Variants in TMEM201 observed in about 807,000 individuals in gnomAD.
TMEM201 encodes the protein transmembrane protein 201.
In TMEM201, 26 loss-of-function variants were observed where a neutral mutation model predicts 63.4. That is an observed-to-expected ratio of 0.41 (90% CI 0.30 to 0.57). The LOEUF is 0.57. Among genes scored for constraint, TMEM201 ranks in the 20% least tolerant of loss-of-function variants. The probability of loss-of-function intolerance (pLI) is 0.29; values close to 1 mark genes in which losing one functional copy is unlikely to be tolerated. For synonymous variants in TMEM201, 417 were observed against 421.6 expected (o/e 0.99, Z 0.14); for missense variants, 794 against 917.7 (o/e 0.87, Z 1.74).
In TMEM201 at chr1:9,607,546, G is replaced by T. The variant is rs1174940721; in HGVS notation, c.1161-11G>T. The T allele has an allele frequency of 3.2e-6, 5 of 1,541,688 alleles. No homozygotes were observed. The highest frequency in any genetic ancestry group is 4.4e-6 in the Non-Finnish European group (5 of 1,141,276). ...CCCTCTTCTTGTCCCGTGCCTGACG[G>T]GCCCTTGCAGGTTCTTCCCAGGAGA... On this transcript the variant is annotated splice_polypyrimidine_tract_variant and intron_variant, in intron 6 of 10. Coordinates refer to ENST00000340381, the MANE Select transcript of TMEM201 (RefSeq NM_001130924.3). The surrounding 1 kb of genome is among the most constrained non-coding windows in gnomAD (Gnocchi z 5.4).
At chr1:9,600,661 G>A (rs1450637658) in intron 4 of TMEM201, among the ~76,000 whole-genome samples, 2 of 152,160 alleles carry the variant, frequency 1.3e-5, no homozygotes, top group Non-Finnish European at 2.9e-5. Flanking sequence ...GCTCACACCT[G>A]TAATCCCAGC....
rs997012806 is a variant in TMEM201, at chr1:9,614,377, G to A, written c.*1294G>A. On this transcript the variant is annotated 3_prime_UTR_variant, in exon 11 of 11. Coordinates refer to ENST00000340381, the MANE Select transcript of TMEM201 (RefSeq NM_001130924.3). Reference sequence around the variant, plus strand: ...GAGGATTCTTTTTTTTAAGCTTTGGGTGCTTTTTTAATACTTTTTTTTTTA... The same window carrying A: ...GAGGATTCTTTTTTTTAAGCTTTGGATGCTTTTTTAATACTTTTTTTTTTA... 2 of 152,006 alleles carry A rather than the reference G, an allele frequency of 1.3e-5. No homozygotes were observed. Among genetic ancestry groups the A allele is most frequent in the African/African-American group, 4.8e-5 (2 of 41,364 alleles). 9.4% of individuals were successfully genotyped at this position (152,006 alleles called of 1,614,324 possible). A position where few individuals can be genotyped will look rare whatever the true frequency, so the allele number is the denominator to read the frequency against.
At position 9,599,525 on chromosome 1, in the gene TMEM201, G is replaced by T. The variant is rs141186958; in HGVS notation, c.606+900G>T. ...CCGCCTTGGCCTCCCAAAGTGCTGGGATTACAGGCCTGAGCCACCGCACCC... is the reference window on the plus strand; with the variant it reads ...CCGCCTTGGCCTCCCAAAGTGCTGGTATTACAGGCCTGAGCCACCGCACCC... On this transcript the variant is annotated intron_variant, in intron 4 of 10. Transcript: ENST00000340381. 1.2e-3 allele frequency among the ~76,000 whole-genome samples: 186 copies of T among 151,534 alleles called. 1 individual carries two copies. The highest frequency in any genetic ancestry group is 4.3e-3 in the African/African-American group (177 of 41,268).
intron 1 of TMEM201, among the ~76,000 whole-genome samples, chr1:9,594,615 G>A (rs572381086): frequency 6.6e-6 from 1 of 152,362 alleles, no homozygotes; most frequent in African/African-American, 2.4e-5. Flanking sequence ...AGAAGGGGGT[G>A]GAGGGGAGGG....
chr1:9,600,228 A>G (rs1025771562), intron 4 of TMEM201, among the ~76,000 whole-genome samples: 6 of 152,170 alleles, frequency 3.9e-5, no homozygotes, highest in Admixed American at 6.5e-5. Flanking sequence ...TTTTTAAACA[A>G]CCAGAATATT....
In TMEM201 at chr1:9,603,939, C is replaced by T. The variant is rs1054592375; in HGVS notation, c.1160+1667C>T. 1.0e-6 allele frequency: 1 copy of T among 985,490 alleles called. No individual in the cohort carries two copies. Among genetic ancestry groups the T allele is most frequent in the Non-Finnish European group, 1.2e-6 (1 of 829,966 alleles). 61.0% of individuals were successfully genotyped at this position (985,490 alleles called of 1,614,324 possible). A position where few individuals can be genotyped will look rare whatever the true frequency, so the allele number is the denominator to read the frequency against. On this transcript the variant is annotated intron_variant, in intron 6 of 10. Transcript: ENST00000340381. This position sits in a 1 kb window ranked among gnomAD's most constrained non-coding sequence, Gnocchi z 4.5. ...CTGAAAAGATGTGGTCGGGGCCACG[C>T]TTCCCACTGGTTCTGCAGTGAGGAG...
Position 9,604,528 on chromosome 1 carries a change from T to C in TMEM201, c.1160+2256T>C. On this transcript the variant is annotated intron_variant, in intron 6 of 10. Coordinates refer to ENST00000340381, the MANE Select transcript of TMEM201 (RefSeq NM_001130924.3). The surrounding 1 kb of genome is among the most constrained non-coding windows in gnomAD (Gnocchi z 4.1). ...TTGTGGCTTGTTGACCGGGAATGTG[T>C]CACCCCTGCCAGGGAACTCTTCTCC... 1.0e-6 allele frequency: 1 copy of C among 985,450 alleles called. No individual in the cohort carries two copies. The highest frequency in any genetic ancestry group is 1.2e-6 in the Non-Finnish European group (1 of 829,944). The allele number at this position is 985,450 out of a possible 1,614,324, so 61.0% of individuals were successfully genotyped here. A position where few individuals can be genotyped will look rare whatever the true frequency, so the allele number is the denominator to read the frequency against.
In TMEM201 at chr1:9,613,286, C is replaced by T; in HGVS notation, c.*203C>T. 1.7e-6 allele frequency: 1 copy of T among 592,988 alleles called. No homozygotes were observed. Among genetic ancestry groups the T allele is most frequent in the Non-Finnish European group, 3.0e-6 (1 of 332,508 alleles). 36.7% of individuals were successfully genotyped at this position (592,988 alleles called of 1,614,324 possible). Reference sequence around the variant, plus strand: ...CTGAGCATGTGTCTGAGGTCACACTCTCTGCCCACTCACCTCCTTGGCTGA... The same window carrying T: ...CTGAGCATGTGTCTGAGGTCACACTTTCTGCCCACTCACCTCCTTGGCTGA... On this transcript the variant is annotated 3_prime_UTR_variant, in exon 11 of 11. Coordinates refer to ENST00000340381, the MANE Select transcript of TMEM201 (RefSeq NM_001130924.3).
Position 9,610,726 on chromosome 1 carries a change from TCA to T in TMEM201, c.1689_1690del (p.His563GlnfsTer143). 1 of 1,550,378 alleles carries T rather than the reference TCA, an allele frequency of 6.5e-7. No homozygotes were observed. The highest frequency in any genetic ancestry group is 1.2e-5 in the South Asian group (1 of 84,062). ...TPSSSDEHSP[H>X]NGSLFTMEPP... is the part of the protein sequence containing the mutation. Reference sequence around the variant, plus strand: ...CCAGCAGCTCCGATGAGCACTCGCCTCACAACGGCAGCCTCTTCACCATGGAG... The same window carrying T: ...CCAGCAGCTCCGATGAGCACTCGCCTCAACGGCAGCCTCTTCACCATGGAG... On this transcript the variant is annotated frameshift_variant, in exon 9 of 11. Coordinates refer to ENST00000340381, the MANE Select transcript of TMEM201 (RefSeq NM_001130924.3). LOFTEE classifies it high-confidence loss of function. This position sits in a 1 kb window ranked among gnomAD's most constrained non-coding sequence, Gnocchi z 4.9.
Position 9,612,030 on chromosome 1 carries a change from G to A in TMEM201, c.1903+140G>A, listed in dbSNP as rs565907170. On this transcript the variant is annotated intron_variant, in intron 10 of 10. Coordinates refer to ENST00000340381, the MANE Select transcript of TMEM201 (RefSeq NM_001130924.3). ...TGAGTGGCCGACAAGTAACCCACCC[G>A]GCGCCTCTGAATCCAGGGTCAGGGA... The A allele has an allele frequency of 6.2e-5, 64 of 1,029,604 alleles. 2 individuals carry two copies. Among genetic ancestry groups the A allele is most frequent in the African/African-American group, 6.2e-4 (38 of 61,494 alleles). 63.8% of individuals were successfully genotyped at this position (1,029,604 alleles called of 1,614,324 possible). A position where few individuals can be genotyped will look rare whatever the true frequency, so the allele number is the denominator to read the frequency against.
At position 9,607,321 on chromosome 1, in the gene TMEM201, G is replaced by A. The variant is rs917666604; in HGVS notation, c.1161-236G>A. Among the ~76,000 whole-genome samples, 13 of 152,078 alleles carry A rather than the reference G, an allele frequency of 8.5e-5. No homozygotes were observed. The highest frequency in any genetic ancestry group is 1.8e-4 in the Non-Finnish European group (12 of 68,002). ...GAGATAGTTTGCTGTGAGCCGAGGG[G>A]GTAGGAGGGGGCATGTGGGGAGGGC... On this transcript the variant is annotated intron_variant, in intron 6 of 10. Transcript: ENST00000340381. This position sits in a 1 kb window ranked among gnomAD's most constrained non-coding sequence, Gnocchi z 5.4.
In TMEM201 at chr1:9,603,190, C is replaced by G. The variant is rs574940579; in HGVS notation, c.1160+918C>G. 1.4e-4 allele frequency: 135 copies of G among 985,540 alleles called. No homozygotes were observed. In the African/African-American group the frequency reaches 2.0e-3, roughly 14 times the overall value. 61.0% of individuals were successfully genotyped at this position (985,540 alleles called of 1,614,324 possible). On this transcript the variant is annotated intron_variant, in intron 6 of 10. Coordinates refer to ENST00000340381, the MANE Select transcript of TMEM201 (RefSeq NM_001130924.3). This position sits in a 1 kb window ranked among gnomAD's most constrained non-coding sequence, Gnocchi z 4.5. ...GGCCCAGCGCCACTCTGTCCTCCGA[C>G]TCAGGTGAGGGGGCAGCCCACAGAC...
rs576409623 is a variant in TMEM201 at position 9,588,920 on chromosome 1, C to A, written c.-11C>A. ...CCCCTGCCGGCCTGCCGTCCTTCCA[C>A]GCGGAGAGCCATGGAGGGAGTGAGC... is the stretch of plus-strand genomic sequence containing the variant. On this transcript the variant is annotated 5_prime_UTR_variant, in exon 1 of 11. Transcript: ENST00000340381. The A allele has an allele frequency of 7.1e-6, 9 of 1,263,658 alleles. No homozygotes were observed. In the South Asian group the frequency reaches 1.4e-4, roughly 19 times the overall value. The allele number at this position is 1,263,658 out of a possible 1,614,324, so 78.3% of individuals were successfully genotyped here.
chr1:9,598,535 G>A lies in TMEM201; in HGVS notation c.516G>A (p.Glu172=), dbSNP rs556196618. ...GCCGGCCGTGCCAAGCGGCTGTGGA[G>A]TACTACATCAAGCACCAGAACCGCC... ...KLCRPCQAAV[E]YYIKHQNRQL... is the part of the protein sequence containing the mutation. The change falls in exon 4 of 11, where the codon GAG becomes GAA. Residue 172 remains glutamate (E), a synonymous_variant. Coordinates refer to ENST00000340381, the MANE Select transcript of TMEM201 (RefSeq NM_001130924.3). 3.1e-6 allele frequency: 5 copies of A among 1,613,884 alleles called. No homozygotes were observed. The African/African-American group carries it at 5.3e-5, about 17-fold the overall frequency.
chr1:9,594,123 G>T (rs1348278178), intron 1 of TMEM201, among the ~76,000 whole-genome samples: 1 of 152,260 alleles, frequency 6.6e-6, no homozygotes, highest in African/African-American at 2.4e-5. Context: ...CTGGGGCAGG[G>T]ATGCTCAGCA....
At position 9,604,727 on chromosome 1, in the gene TMEM201, C is replaced by A. The variant is rs1368161440; in HGVS notation, c.1160+2455C>A. The stretch of plus-strand genomic sequence containing the variant: ...CCCGTACCCCTTGCCTGGGAGCAAA[C>A]CGCCAGGACGCAGCCTCCACGCCGC... On this transcript the variant is annotated intron_variant, in intron 6 of 10. Transcript: ENST00000340381. This position sits in a 1 kb window ranked among gnomAD's most constrained non-coding sequence, Gnocchi z 4.1. The A allele has an allele frequency of 1.0e-6, 1 of 985,902 alleles. No homozygotes were observed. Among genetic ancestry groups the A allele is most frequent in the Admixed American group, 6.1e-5 (1 of 16,274 alleles). 61.1% of individuals were successfully genotyped at this position (985,902 alleles called of 1,614,324 possible). A position where few individuals can be genotyped will look rare whatever the true frequency, so the allele number is the denominator to read the frequency against.
intron 6 of TMEM201, chr1:9,606,075 G>T (rs999119451): frequency 6.6e-6 from 1 of 152,302 alleles, no homozygotes; most frequent in African/African-American, 2.4e-5. Flanking sequence ...CACCTTCACT[G>T]CCCCTGCCTA....
At chr1:9,598,174 C>G (rs1644061437) in intron 3 of TMEM201, among the ~76,000 whole-genome samples, 1 of 152,176 alleles carries the variant, frequency 6.6e-6, no homozygotes, top group Non-Finnish European at 1.5e-5. Flanking sequence ...TCCTGGCCTG[C>G]GGGTGCGTCC....
At chr1:9,594,466 T>C (rs971680651) in intron 1 of TMEM201, among the ~76,000 whole-genome samples, 34 of 152,156 alleles carry the variant, frequency 2.2e-4, no homozygotes, top group African/African-American at 8.0e-4. Context: ...CCCCACTCCA[T>C]GTAACTTGGC....
Sources: allele counts gnomAD v4.1 joint callset (sites outside exome capture counted in the v4.1 genomes callset), GRCh38; gene constraint gnomAD v4.1.1; non-coding constraint Gnocchi (gnomAD v3.1); transcripts MANE v1.5; gene names NCBI Gene and HGNC (gene_info 2026-07-23, HGNC 2026-07-21).